NCAPD3: variants seen among roughly 807,000 people sequenced by gnomAD.
NCAPD3 encodes condensin-2 complex subunit D3.
Under a neutral mutation model 182.9 loss-of-function variants are expected in NCAPD3, and 105 were observed. The observed-to-expected ratio is 0.57, with a 90% confidence interval of 0.49 to 0.68. The LOEUF (loss-of-function observed/expected upper bound fraction) is 0.68. NCAPD3 is among the 30% of genes least tolerant of loss of function. The pLI is 0.00. For missense variants in NCAPD3, 1,944 were observed against 1,837.0 expected, an observed-to-expected ratio of 1.06 and a Z score of -1.07; for synonymous variants, 815 against 679.9, an observed-to-expected ratio of 1.20 and a Z score of -3.09.
At position 134,153,120 on chromosome 11, in the gene NCAPD3, AGGAACACTGCTAAACTTACG is replaced by A. The variant is rs1220691808; in HGVS notation, c.4388_4388+19del. On this transcript the variant is annotated splice_donor_variant and splice_donor_5th_base_variant and coding_sequence_variant and intron_variant, in exon 34 of 35. Coordinates refer to ENST00000534548, the MANE Select transcript of NCAPD3 (RefSeq NM_015261.3). LOFTEE classifies it high-confidence loss of function. Reference sequence around the variant, plus strand: ...CCCTGACAGAAACATCCACCTCAAAAGGAACACTGCTAAACTTACGGTTTATCAGGCAGTGATAAACATAA... The same window carrying A: ...CCCTGACAGAAACATCCACCTCAAAAGTTTATCAGGCAGTGATAAACATAA... 4 of 1,613,650 alleles carry A rather than the reference AGGAACACTGCTAAACTTACG, an allele frequency of 2.5e-6. No individual in the cohort carries two copies. The highest frequency in any genetic ancestry group is 1.7e-5 in the Admixed American group (1 of 60,024).
intron 27 of NCAPD3, among the ~76,000 whole-genome samples, chr11:134,164,582 ACTTG>A (rs1943702066): frequency 6.6e-6 from 1 of 151,836 alleles, no homozygotes; most frequent in South Asian, 2.1e-4. Context: ...CTGCACACTC[ACTTG>A]TGACATGAGC....
At position 134,183,321 on chromosome 11, in the gene NCAPD3, C is replaced by A. The variant is rs939868176; in HGVS notation, c.2451+1316G>T. 2.6e-5 allele frequency among the ~76,000 whole-genome samples: 4 copies of A among 152,202 alleles called. No individual in the cohort carries two copies. In the East Asian group the frequency reaches 7.7e-4, roughly 29 times the overall value. On this transcript the variant is annotated intron_variant, in intron 19 of 34. Coordinates refer to ENST00000534548, the MANE Select transcript of NCAPD3 (RefSeq NM_015261.3). ...AGTCTTACCACGCCTGTAATCCCAG[C>A]ACTTTGGGAGGCTGAAGCAGGCGAT...
intron 27 of NCAPD3, among the ~76,000 whole-genome samples, chr11:134,165,391 G>C (rs552388273): frequency 1.4e-4 from 21 of 150,028 alleles, no homozygotes; most frequent in African/African-American, 2.5e-4. Flanking sequence ...CTTCGGGGAA[G>C]GGGCACACTT....
At chr11:134,174,422 A>G (rs2135970175) in intron 24 of NCAPD3, among the ~76,000 whole-genome samples, 1 of 150,986 alleles carries the variant, frequency 6.6e-6, no homozygotes, top group South Asian at 2.1e-4. Flanking sequence ...CAAAAAAAAC[A>G]GTATCTAACA....
rs1943392623 is a variant in NCAPD3, at chr11:134,155,417, T to TGAAGG, written c.4252+1600_4252+1601insCCTTC. 2.6e-5 allele frequency among the ~76,000 whole-genome samples: 4 copies of TGAAGG among 152,106 alleles called. No homozygotes were observed. The South Asian group carries it at 8.3e-4, about 32-fold the overall frequency. ...GAGACCTCCAGGCATTTCTTCCTGGTTCAGTATAAAGAGAGACGGACAGAG... is the reference window on the plus strand; with the variant it reads ...GAGACCTCCAGGCATTTCTTCCTGGTGAAGGTCAGTATAAAGAGAGACGGACAGAG... On this transcript the variant is annotated intron_variant, in intron 32 of 34. Transcript: ENST00000534548.
At chr11:134,217,213 G>C in intron 2 of NCAPD3, 115 bp from the exon 3 acceptor site, 2 of 846,296 alleles carry the variant, frequency 2.4e-6, no homozygotes, top group South Asian at 5.9e-5. Context: ...GAGTAGCCTG[G>C]CTCCTACTGC....
chr11:134,199,775 C>A (rs1416750937), intron 13 of NCAPD3, among the ~76,000 whole-genome samples: 1 of 152,150 alleles, frequency 6.6e-6, no homozygotes, highest in Non-Finnish European at 1.5e-5. Flanking sequence ...TTATGGGGAT[C>A]CATCCCGAGG....
chr11:134,185,989 G>A (rs1944398178), intron 16 of NCAPD3: 1 of 149,458 alleles, frequency 6.7e-6, no homozygotes, highest in African/African-American at 2.5e-5. Flanking sequence ...CTCACTGCAA[G>A]CTCCACCTCC....
At chr11:134,159,044 C>T (rs1363708328) in intron 29 of NCAPD3, among the ~76,000 whole-genome samples, 1 of 152,150 alleles carries the variant, frequency 6.6e-6, no homozygotes, top group African/African-American at 2.4e-5. Context: ...GTATATGCAC[C>T]CCATTTTCTT....
Position 134,185,030 on chromosome 11 carries a change from G to A in NCAPD3, c.2238-30C>T, listed in dbSNP as rs758973664. 2.0e-6 allele frequency: 3 copies of A among 1,522,242 alleles called. No homozygotes were observed. In the African/African-American group the frequency reaches 4.2e-5, roughly 21 times the overall value. The allele number at this position is 1,522,242 out of a possible 1,614,324, so 94.3% of individuals were successfully genotyped here. Reference sequence around the variant, plus strand: ...AGAAAGGGCAGGAGGAATATGAAGGGAGAAGCAAGTTAAACACTGCTGCCA... The same window carrying A: ...AGAAAGGGCAGGAGGAATATGAAGGAAGAAGCAAGTTAAACACTGCTGCCA... On this transcript the variant is annotated intron_variant, in intron 17 of 34. Coordinates refer to ENST00000534548, the MANE Select transcript of NCAPD3 (RefSeq NM_015261.3).
intron 31 of NCAPD3, among the ~76,000 whole-genome samples, 193 bp downstream of exon 31, chr11:134,157,735 T>C (rs1332165978): frequency 6.6e-6 from 1 of 152,270 alleles, no homozygotes; most frequent in East Asian, 1.9e-4. Context: ...GTGAGTTTCA[T>C]ATTTCACTCT....
intron 19 of NCAPD3, among the ~76,000 whole-genome samples, chr11:134,182,205 C>G (rs1694272501): frequency 6.6e-6 from 1 of 152,160 alleles, no homozygotes. Context: ...CAAGGCCACC[C>G]AATCCTGGCA....
rs148457378 is a variant in NCAPD3 at position 134,213,445 on chromosome 11, G to A, written c.383-2991C>T. Among the ~76,000 whole-genome samples, 845 of 151,630 alleles carry A rather than the reference G, an allele frequency of 5.6e-3. 5 individuals carry two copies. Among genetic ancestry groups the A allele is most frequent in the African/African-American group, 0.015 (639 of 41,420 alleles). ...AGCGATTCTCCTGCCTCAGCCTCCCGAGTAACTGGGATTACAGACGTGTTA... is the reference window on the plus strand; with the variant it reads ...AGCGATTCTCCTGCCTCAGCCTCCCAAGTAACTGGGATTACAGACGTGTTA... On this transcript the variant is annotated intron_variant, in intron 3 of 34. Coordinates refer to ENST00000534548, the MANE Select transcript of NCAPD3 (RefSeq NM_015261.3).
chr11:134,186,891 G>C (rs1359420913), intron 16 of NCAPD3, among the ~76,000 whole-genome samples: 3 of 152,136 alleles, frequency 2.0e-5, no homozygotes, highest in Non-Finnish European at 4.4e-5. Flanking sequence ...CTTACAACAT[G>C]ATTTATGTCT....
intron 1 of NCAPD3, chr11:134,223,595 G>C (rs571104721): frequency 7.5e-6 from 5 of 670,178 alleles, no homozygotes; most frequent in Admixed American, 2.1e-5. Flanking sequence ...CAGGAAGAAG[G>C]GGAAGGCCGA....
intron 3 of NCAPD3, among the ~76,000 whole-genome samples, chr11:134,213,335 T>C (rs959961696): frequency 9.9e-5 from 15 of 151,642 alleles, no homozygotes; most frequent in Admixed American, 9.8e-4. Flanking sequence ...CTCTTTTTTT[T>C]TTCTGAGACA....
At chr11:134,189,724 A>G (rs1428642825) in intron 16 of NCAPD3, among the ~76,000 whole-genome samples, 1 of 152,188 alleles carries the variant, frequency 6.6e-6, no homozygotes, top group African/African-American at 2.4e-5. Context: ...ATGGGGTTTT[A>G]TACATATCCT....
In NCAPD3 at chr11:134,192,853, C is replaced by A. The variant is rs755906961; in HGVS notation, c.1881G>T (p.Val627=). ...QKAWLRGVVP[V]VMDCESTVQE... ...GCACAGTGCTCTCGCAGTCCATCAC[C>A]ACCGGGACCACCCCCCGCAACCAGG... is the stretch of plus-strand genomic sequence containing the variant. The change falls in exon 16 of 35, where the codon GTG becomes GTT. Residue 627 remains valine, a synonymous_variant. Transcript: ENST00000534548. 6.2e-7 allele frequency: 1 copy of A among 1,614,114 alleles called. No individual in the cohort carries two copies. The highest frequency in any genetic ancestry group is 8.5e-7 in the Non-Finnish European group (1 of 1,179,958).
At chr11:134,184,216 A>G (rs1944351996) in intron 19 of NCAPD3, among the ~76,000 whole-genome samples, 4 of 152,250 alleles carry the variant, frequency 2.6e-5, no homozygotes, top group Admixed American at 2.6e-4. Flanking sequence ...GTAACAGGAC[A>G]GGCATGTCCA....
Sources: gnomAD v4.1 joint callset for allele counts (sites outside exome capture counted in the v4.1 genomes callset) on GRCh38, gnomAD v4.1.1 for gene constraint, MANE v1.5 for transcripts, NCBI Gene and HGNC (gene_info 2026-07-23, HGNC 2026-07-21) for gene names.